PMP22: variants seen among roughly 807,000 people sequenced by gnomAD.
PMP22 encodes the protein Charcot-Marie-Tooth neuropathy 1A (greatly reduced nerve conduction velocity, hereditary motor sensory neuropathy Ia).
Under a neutral mutation model 18.9 loss-of-function variants are expected in PMP22, and 2 were observed. That is an observed-to-expected ratio of 0.11 (90% confidence interval 0.04 to 0.33). The LOEUF (loss-of-function observed/expected upper bound fraction) is 0.33. Among genes scored for constraint, PMP22 ranks in the 10% least tolerant of loss-of-function variants. PMP22 has a pLI of 1.00. For missense variants in PMP22, 169 were observed against 202.2 expected (o/e 0.84, Z 1.00); for synonymous variants, 95 against 89.2 (o/e 1.07, Z -0.37).
chr17:15,259,162 T>C lies in PMP22; in HGVS notation c.110A>G (p.Asp37Gly). The C allele has an allele frequency of 1.2e-6, 2 of 1,613,796 alleles. No individual in the cohort carries two copies. The highest frequency in any genetic ancestry group is 1.3e-5 in the African/African-American group (1 of 74,978). Residue 37 changes from aspartate (D) to glycine (G), a missense_variant, in exon 3 of 5, where the codon GAT (aspartate) becomes GGT (glycine). Physicochemically the swap from Asp to Gly is moderately conservative, Grantham distance 94. Coordinates refer to ENST00000312280, the MANE Select transcript of PMP22 (RefSeq NM_000304.4). ...AGAGGTGCTACAGTTCTGCCAGAGATCAGTTGCGTGTCCATTGCCCACGAT... is the reference window on the plus strand; with the variant it reads ...AGAGGTGCTACAGTTCTGCCAGAGACCAGTTGCGTGTCCATTGCCCACGAT... The part of the protein sequence containing the change: ...QWIVGNGHAT[D>G]LWQNCSTSSS...
intron 3 of PMP22, chr17:15,251,655 G>T (rs1908362603): frequency 2.0e-5 from 3 of 151,356 alleles, no homozygotes; most frequent in Admixed American, 2.0e-4. Flanking sequence ...CCACTTGTGT[G>T]TGGATGACTG....
chr17:15,241,240 T>C (rs1023956365), intron 3 of PMP22, among the ~76,000 whole-genome samples: 1 of 152,222 alleles, frequency 6.6e-6, no homozygotes, highest in Non-Finnish European at 1.5e-5. Context: ...CCATCCTGAT[T>C]TCACTCTTAC....
chr17:15,240,749 G>C (rs1907251290), intron 3 of PMP22, among the ~76,000 whole-genome samples: 1 of 152,186 alleles, frequency 6.6e-6, no homozygotes, highest in Admixed American at 6.5e-5. Context: ...TGCTCTCATG[G>C]AGGAAGGGCA....
At chr17:15,262,870 C>T (rs1327096060) in intron 1 of PMP22, among the ~76,000 whole-genome samples, 2 of 152,186 alleles carry the variant, frequency 1.3e-5, no homozygotes, top group African/African-American at 2.4e-5. Context: ...TCTGGGAAGA[C>T]CCAGCCAAAT....
At chr17:15,232,100 G>A (rs1035658263) in intron 4 of PMP22, among the ~76,000 whole-genome samples, 2 of 151,918 alleles carry the variant, frequency 1.3e-5, no homozygotes, top group South Asian at 4.2e-4. Context: ...TGGGATTCAT[G>A]CAGTTCCAGA....
chr17:15,251,076 C>A (rs1347561030), intron 3 of PMP22, among the ~76,000 whole-genome samples: 1 of 152,194 alleles, frequency 6.6e-6, no homozygotes, highest in Non-Finnish European at 1.5e-5. Flanking sequence ...CTGCTCCCAT[C>A]CCTCTCTCCC....
intron 3 of PMP22, among the ~76,000 whole-genome samples, chr17:15,242,762 AAC>A (rs1268606102): frequency 3.3e-5 from 5 of 152,228 alleles, no homozygotes; most frequent in Non-Finnish European, 5.9e-5. Context: ...GTTATTTTCA[AAC>A]ACACATGGGA....
chr17:15,252,296 T>C (rs577865121), intron 3 of PMP22, among the ~76,000 whole-genome samples: 1 of 152,284 alleles, frequency 6.6e-6, no homozygotes, highest in Admixed American at 6.5e-5. Context: ...GGGCTCAGGT[T>C]GGGGGCTGCT....
In PMP22 at chr17:15,233,290, C is replaced by T. The variant is rs570112249; in HGVS notation, c.320-2210G>A. 4.0e-4 allele frequency among the ~76,000 whole-genome samples: 61 copies of T among 152,152 alleles called. No individual in the cohort carries two copies. The highest frequency in any genetic ancestry group is 5.9e-4 in the Non-Finnish European group (40 of 68,034). ...AGATGTTCTGCTCTTTGGCAATGAC[C>T]GGGACTCCCTGGTAGGGGCCTGAGT... On this transcript the variant is annotated intron_variant, in intron 4 of 4. Transcript: ENST00000312280.
intron 3 of PMP22, among the ~76,000 whole-genome samples, chr17:15,253,134 A>T (rs2150698503): frequency 6.6e-6 from 1 of 151,950 alleles, no homozygotes; most frequent in South Asian, 2.1e-4. Context: ...GGCTTGGCAC[A>T]CCCCTCCCCC....
intron 3 of PMP22, among the ~76,000 whole-genome samples, chr17:15,241,889 C>A (rs755111318): frequency 1.3e-5 from 2 of 152,234 alleles, no homozygotes; most frequent in East Asian, 1.9e-4. Context: ...GGTTTTCAAC[C>A]ATAAGCACAA....
chr17:15,234,847 T>C (rs553011752), intron 4 of PMP22, among the ~76,000 whole-genome samples: 1 of 151,306 alleles, frequency 6.6e-6, no homozygotes, highest in Non-Finnish European at 1.5e-5. Context: ...AGGGTCTCAC[T>C]CTGTCACCAG....
intron 3 of PMP22, among the ~76,000 whole-genome samples, chr17:15,245,967 C>T (rs1325205114): frequency 2.7e-5 from 4 of 150,882 alleles, no homozygotes; most frequent in East Asian, 2.0e-4. Flanking sequence ...GAGCCGAGAT[C>T]GCGCCACTGC....
intron 1 of PMP22, among the ~76,000 whole-genome samples, chr17:15,263,270 A>G (rs1488460636): frequency 6.6e-6 from 1 of 152,022 alleles, no homozygotes; most frequent in African/African-American, 2.4e-5. Flanking sequence ...CTCTAGGCAA[A>G]GTGTTCCTGC....
chr17:15,234,606 T>A (rs1451279314), intron 4 of PMP22, among the ~76,000 whole-genome samples: 1 of 152,110 alleles, frequency 6.6e-6, no homozygotes. Flanking sequence ...TGAAGCCCAC[T>A]CCTTTTACAT....
Position 15,230,121 on chromosome 17 carries a change from T to C in PMP22, c.*796A>G, listed in dbSNP as rs1906180128. 6.5e-6 allele frequency: 1 copy of C among 152,712 alleles called. No individual in the cohort carries two copies. The highest frequency in any genetic ancestry group is 1.5e-5 in the Non-Finnish European group (1 of 68,070). The allele number at this position is 152,712 out of a possible 1,614,324, so 9.5% of individuals were successfully genotyped here. On this transcript the variant is annotated 3_prime_UTR_variant, in exon 5 of 5. Coordinates refer to ENST00000312280, the MANE Select transcript of PMP22 (RefSeq NM_000304.4). ...GGTACAAAAGCAGTTATAAACCATT[T>C]ATATTACACAGAATTATTCAGGTCT...
chr17:15,259,694 C>G (rs1909137870), intron 2 of PMP22, among the ~76,000 whole-genome samples: 1 of 151,586 alleles, frequency 6.6e-6, no homozygotes, highest in Admixed American at 6.6e-5. Context: ...GTAATCCCAG[C>G]ACTTTGGGAG....
intron 4 of PMP22, among the ~76,000 whole-genome samples, chr17:15,233,603 A>G (rs896893377): frequency 1.3e-5 from 2 of 152,160 alleles, no homozygotes; most frequent in African/African-American, 4.8e-5. Context: ...CATCCTTATC[A>G]TCTCCATTCC....
rs143502849 is a variant in PMP22 at position 15,257,078 on chromosome 17, C to T, written c.178+2016G>A. Among the ~76,000 whole-genome samples the T allele has an allele frequency of 1.8e-4, 28 of 152,224 alleles. 1 individual carries two copies. The highest frequency in any genetic ancestry group is 6.7e-4 in the African/African-American group (28 of 41,522). On this transcript the variant is annotated intron_variant, in intron 3 of 4. Transcript: ENST00000312280. ...GAAAACAGACACTCTGGGGTCCTCA[C>T]GGAAAGCAACGAGGCAGATTTGAAA...
Sources: gnomAD v4.1 joint callset for allele counts (sites outside exome capture counted in the v4.1 genomes callset) on GRCh38, gnomAD v4.1.1 for gene constraint, MANE v1.5 for transcripts, NCBI Gene and HGNC (gene_info 2026-07-23, HGNC 2026-07-21) for gene names.